The following SLC8A1 variants were observed in gnomAD, a reference collection of about 807,000 sequenced individuals.
SLC8A1 encodes the protein sodium/calcium exchanger 1.
A neutral mutation model predicts 68.3 loss-of-function variants in SLC8A1; 18 were observed. The ratio of observed to expected loss-of-function variants is 0.26; its 90% CI spans 0.18 to 0.39. SLC8A1 has a LOEUF of 0.39. SLC8A1 is among the 10% of genes least tolerant of loss of function. The probability of loss-of-function intolerance (pLI) is 1.00; values close to 1 mark genes in which losing one functional copy is unlikely to be tolerated. For synonymous variants in SLC8A1, 475 were observed against 415.5 expected, an observed-to-expected ratio of 1.14 and a Z score of -1.74; for missense variants, 985 against 1,156.7, an observed-to-expected ratio of 0.85 and a Z score of 2.15.
At chr2:40,273,950 G>A (rs1482867299) in intron 2 of SLC8A1, among the ~76,000 whole-genome samples, 3 of 151,012 alleles carry the variant, frequency 2.0e-5, no homozygotes, top group East Asian at 3.9e-4. Context: ...TTCACCAGGG[G>A]GCTCTGTCCC....
chr2:40,226,729 A>T (rs1159701498), intron 2 of SLC8A1, among the ~76,000 whole-genome samples: 1 of 152,190 alleles, frequency 6.6e-6, no homozygotes, highest in Non-Finnish European at 1.5e-5. Context: ...TGTCCATAAG[A>T]GAAGCAAATG....
chr2:40,196,136 G>C (rs1416310733), intron 2 of SLC8A1, among the ~76,000 whole-genome samples: 1 of 151,788 alleles, frequency 6.6e-6, no homozygotes, highest in Non-Finnish European at 1.5e-5. Context: ...CTGAGAGGAG[G>C]CTATTAAAAA....
chr2:40,330,099 T>C (rs1482325672), intron 2 of SLC8A1, among the ~76,000 whole-genome samples: 1 of 152,198 alleles, frequency 6.6e-6, no homozygotes, highest in Non-Finnish European at 1.5e-5. Context: ...TTAATAAAAA[T>C]GAATTTTAAA....
intron 4 of SLC8A1, among the ~76,000 whole-genome samples, chr2:40,167,431 C>A: frequency 6.6e-6 from 1 of 152,110 alleles, no homozygotes; most frequent in East Asian, 1.9e-4. Flanking sequence ...CTTTTAAAAA[C>A]AAACTTAATA....
At chr2:40,171,291 A>T (rs1207387964) in intron 4 of SLC8A1, among the ~76,000 whole-genome samples, 1 of 152,196 alleles carries the variant, frequency 6.6e-6, no homozygotes, top group East Asian at 1.9e-4. Context: ...TTCCTTAAAA[A>T]GTCTTGTGTC....
At chr2:40,506,104 C>G (rs76495035) in intron 1 of SLC8A1, among the ~76,000 whole-genome samples, 1 of 132,172 alleles carries the variant, frequency 7.6e-6, no homozygotes, top group East Asian at 2.1e-4. Flanking sequence ...TTCATAGATC[C>G]TTTTTTTTTT....
upstream of SLC8A1, among the ~76,000 whole-genome samples, chr2:40,452,540 C>T (rs972589093): frequency 6.6e-6 from 1 of 152,160 alleles, no homozygotes; most frequent in Non-Finnish European, 1.5e-5. Flanking sequence ...AGAACCCTGA[C>T]CCCCAATTCG....
intron 2 of SLC8A1, among the ~76,000 whole-genome samples, chr2:40,356,780 C>G (rs1672785673): frequency 6.6e-6 from 1 of 152,304 alleles, no homozygotes. Context: ...TCAACTCTCC[C>G]AACTCTGCAG....
At chr2:40,210,777 T>C (rs1221980062) in intron 2 of SLC8A1, among the ~76,000 whole-genome samples, 5 of 152,216 alleles carry the variant, frequency 3.3e-5, no homozygotes, top group Non-Finnish European at 7.3e-5. Context: ...CCTACTCTTC[T>C]GAATTGCTTC....
intron 2 of SLC8A1, among the ~76,000 whole-genome samples, 180 bp from the exon 3 acceptor site, chr2:40,178,673 T>C (rs2048913307): frequency 6.6e-6 from 1 of 152,124 alleles, no homozygotes; most frequent in African/African-American, 2.4e-5. Context: ...AGATCAGAGA[T>C]TTCACCCAAT....
exon 8 of SLC8A1, chr2:40,100,738 A>T (rs10207374): frequency 6.6e-6 from 1 of 152,144 alleles, no homozygotes; most frequent in Non-Finnish European, 1.5e-5. Flanking sequence ...CCTCAGCGAC[A>T]GACAATGGAC....
intron 2 of SLC8A1, among the ~76,000 whole-genome samples, chr2:40,216,249 T>C (rs1192594165): frequency 6.6e-6 from 1 of 152,104 alleles, no homozygotes; most frequent in Non-Finnish European, 1.5e-5. Flanking sequence ...AGTGAGAACA[T>C]GTGGTGTTTG....
chr2:40,349,366 G>C (rs76713328), intron 2 of SLC8A1, among the ~76,000 whole-genome samples: 7 of 152,148 alleles, frequency 4.6e-5, no homozygotes, highest in Non-Finnish European at 1.0e-4. Context: ...CAAGGAAAAG[G>C]AATGATTTAA....
intron 7 of SLC8A1, among the ~76,000 whole-genome samples, chr2:40,126,326 A>G (rs2038085223): frequency 6.6e-6 from 1 of 152,212 alleles, no homozygotes; most frequent in Non-Finnish European, 1.5e-5. Context: ...TGTGTGTGTT[A>G]AATGCAAGGG....
At chr2:40,233,736 C>T (rs556632100) in intron 2 of SLC8A1, among the ~76,000 whole-genome samples, 2 of 149,458 alleles carry the variant, frequency 1.3e-5, no homozygotes, top group African/African-American at 5.0e-5. Context: ...TTAGGTCTAA[C>T]GTTTAAGTCT....
At chr2:40,365,266 A>T (rs1478849258) in intron 2 of SLC8A1, among the ~76,000 whole-genome samples, 1 of 152,066 alleles carries the variant, frequency 6.6e-6, no homozygotes, top group Non-Finnish European at 1.5e-5. Context: ...TCTACCATAG[A>T]ATTTGGTGGT....
At chr2:40,367,432 C>A (rs1676605035) in intron 2 of SLC8A1, among the ~76,000 whole-genome samples, 1 of 152,004 alleles carries the variant, frequency 6.6e-6, no homozygotes, top group Non-Finnish European at 1.5e-5. Flanking sequence ...ACACACATCC[C>A]TTTTTTCCCC....
At chr2:40,116,493 T>G (rs1423064335) in intron 7 of SLC8A1, among the ~76,000 whole-genome samples, 1 of 151,548 alleles carries the variant, frequency 6.6e-6, no homozygotes, top group Admixed American at 6.6e-5. Flanking sequence ...CCCCAGAGTG[T>G]GATGTTCCCC....
chr2:40,356,884 C>T (rs1672815560), intron 2 of SLC8A1, among the ~76,000 whole-genome samples: 1 of 152,194 alleles, frequency 6.6e-6, no homozygotes, highest in Non-Finnish European at 1.5e-5. Context: ...CCTTACATCT[C>T]CTTAAGCCTC....
Sources: allele counts gnomAD v4.1 joint callset (sites outside exome capture counted in the v4.1 genomes callset), GRCh38; gene constraint gnomAD v4.1.1; transcripts MANE v1.5; gene names NCBI Gene and HGNC (gene_info 2026-07-23, HGNC 2026-07-21).